The following SYPL2 variants were observed in gnomAD, a reference collection of about 807,000 sequenced individuals.
SYPL2 encodes synaptophysin like 2.
In SYPL2, 24 loss-of-function variants were observed where a neutral mutation model predicts 31.3. The ratio of observed to expected loss-of-function variants is 0.77; its 90% CI spans 0.56 to 1.08. The LOEUF is 1.08. SYPL2 is among the 50% of genes least tolerant of loss of function. The probability of loss-of-function intolerance (pLI) is 0.00; values close to 1 mark genes in which losing one functional copy is unlikely to be tolerated. For missense variants in SYPL2, 342 were observed against 360.1 expected, an observed-to-expected ratio of 0.95 and a Z score of 0.41; for synonymous variants, 144 against 143.1, an observed-to-expected ratio of 1.01 and a Z score of -0.05.
intron 3 of SYPL2, among the ~76,000 whole-genome samples, chr1:109,476,085 AG>A (rs983027236): frequency 6.6e-6 from 1 of 152,168 alleles, no homozygotes; most frequent in Non-Finnish European, 1.5e-5. Flanking sequence ...GAAGCTTATT[AG>A]TACTTACATC....
At chr1:109,469,141 C>T (rs1655746327) in intron 2 of SYPL2, among the ~76,000 whole-genome samples, 1 of 152,160 alleles carries the variant, frequency 6.6e-6, no homozygotes, top group African/African-American at 2.4e-5. Context: ...CAGGCATTAG[C>T]ACCAGAAATG....
At position 109,467,100 on chromosome 1, in the gene SYPL2, G is replaced by T; in HGVS notation, c.96G>T (p.Glu32Asp). The stretch of plus-strand genomic sequence containing the variant: ...TGGGGCTGCGCTGGCGGCGGCTGGA[G>T]GAGCCGCTGGGCTTCATCAAAGTTC... ...LLVGLRWRRL[E>D]EPLGFIKVLQ... Residue 32 changes from glutamate to aspartate, a missense_variant, in exon 2 of 6, where the codon GAG (glutamate) becomes GAT (aspartate). Physicochemically the swap from Glu to Asp is conservative, Grantham distance 45. Coordinates refer to ENST00000369872, the MANE Select transcript of SYPL2 (RefSeq NM_001040709.2). 1.9e-6 allele frequency: 3 copies of T among 1,544,960 alleles called. No homozygotes were observed. The highest frequency in any genetic ancestry group is 2.6e-6 in the Non-Finnish European group (3 of 1,145,980).
intron 3 of SYPL2, 143 bp from the exon 4 acceptor site, chr1:109,476,633 T>C (rs1453909463): frequency 2.5e-6 from 2 of 785,334 alleles, no homozygotes; most frequent in Non-Finnish European, 2.0e-6. Flanking sequence ...AACTGCAAGG[T>C]TCCTTCCAGA....
intron 2 of SYPL2, among the ~76,000 whole-genome samples, chr1:109,471,561 G>A (rs1307509601): frequency 1.4e-5 from 2 of 144,120 alleles, no homozygotes; most frequent in East Asian, 4.4e-4. Flanking sequence ...CTTGAAATGT[G>A]CCTAGCGTGA....
At position 109,475,271 on chromosome 1, in the gene SYPL2, G is replaced by A. The variant is rs1350981498; in HGVS notation, c.130-310G>A. On this transcript the variant is annotated intron_variant, in intron 2 of 5. Coordinates refer to ENST00000369872, the MANE Select transcript of SYPL2 (RefSeq NM_001040709.2). ...GAGGTTTTGTGTTAGTCATCTTAAGGAGGCTACCTGTGGTCCCCAAGTCAT... is the reference window on the plus strand; with the variant it reads ...GAGGTTTTGTGTTAGTCATCTTAAGAAGGCTACCTGTGGTCCCCAAGTCAT... 1.6e-4 allele frequency: 37 copies of A among 234,306 alleles called. No homozygotes were observed. The Admixed American group carries it at 1.9e-3, about 12-fold the overall frequency. The allele number at this position is 234,306 out of a possible 1,614,324, so 14.5% of individuals were successfully genotyped here.
chr1:109,473,527 C>T (rs1655896470), intron 2 of SYPL2, among the ~76,000 whole-genome samples: 1 of 152,162 alleles, frequency 6.6e-6, no homozygotes, highest in Non-Finnish European at 1.5e-5. Context: ...AGTACACTGA[C>T]AGTGTTACTC....
At position 109,478,144 on chromosome 1, in the gene SYPL2, C is replaced by T. The variant is rs1159181123; in HGVS notation, c.648+135C>T. On this transcript the variant is annotated intron_variant, in intron 5 of 5. Transcript: ENST00000369872. The surrounding 1 kb of genome is among the most constrained non-coding windows in gnomAD (Gnocchi z 4.0). The stretch of plus-strand genomic sequence containing the variant: ...GCACCTGGAGCTGGTGCCCTCACTG[C>T]GCTTCATGCTGGCTGCTGGCTCCTG... The T allele has an allele frequency of 3.0e-5, 44 of 1,445,658 alleles. No homozygotes were observed. The highest frequency in any genetic ancestry group is 5.8e-5 in the South Asian group (4 of 69,262). 89.6% of individuals were successfully genotyped at this position (1,445,658 alleles called of 1,614,324 possible).
In SYPL2 at chr1:109,475,582, T is replaced by C; in HGVS notation, c.131T>C (p.Leu44Pro). ...CAAAGAGGCTTCACTCTCTCTCAGC[T>C]CTTTGCTATTTTCGCCTTCGGGTCC... Reference protein sequence around the residue: ...PLGFIKVLQWLFAIFAFGSCG... With the variant: ...PLGFIKVLQWPFAIFAFGSCG... The change falls in exon 3 of 6, where the codon CTC becomes CCC. Residue 44 changes from leucine to proline, a missense_variant and splice_region_variant. Physicochemically the swap from Leu to Pro is moderately conservative, Grantham distance 98. Transcript: ENST00000369872. 6.2e-7 allele frequency: 1 copy of C among 1,614,022 alleles called. No homozygotes were observed. Among genetic ancestry groups the C allele is most frequent in the South Asian group, 1.1e-5 (1 of 91,078 alleles).
At chr1:109,477,558 G>A (rs1187608855) in intron 4 of SYPL2, among the ~76,000 whole-genome samples, 1 of 152,138 alleles carries the variant, frequency 6.6e-6, no homozygotes, top group Non-Finnish European at 1.5e-5. Flanking sequence ...GTTTTGGGGT[G>A]AGGCTGACCA....
chr1:109,471,922 C>G (rs186000320), intron 2 of SYPL2, among the ~76,000 whole-genome samples: 2 of 151,680 alleles, frequency 1.3e-5, no homozygotes, highest in East Asian at 3.9e-4. Context: ...CCAGGCTGGT[C>G]TTGAACTCCT....
intron 2 of SYPL2, among the ~76,000 whole-genome samples, chr1:109,469,462 C>T (rs778372339): frequency 6.6e-6 from 1 of 150,504 alleles, no homozygotes; most frequent in African/African-American, 2.4e-5. Flanking sequence ...CAAAAATAAC[C>T]TGGACATAGA....
rs148735932 is a variant in SYPL2 at position 109,466,567 on chromosome 1, G to A, written c.-277G>A. 969 of 385,704 alleles carry A rather than the reference G, an allele frequency of 2.5e-3. 4 individuals are homozygous for A. The highest frequency in any genetic ancestry group is 7.6e-3 in the Middle Eastern group (11 of 1,440). 23.9% of individuals were successfully genotyped at this position (385,704 alleles called of 1,614,324 possible). A position where few individuals can be genotyped will look rare whatever the true frequency, so the allele number is the denominator to read the frequency against. Reference sequence around the variant, plus strand: ...ACGTGACCCGGCGGCCAAGTTCGCTGCGAGTTTGACAGAAGTTTGAATCCG... The same window carrying A: ...ACGTGACCCGGCGGCCAAGTTCGCTACGAGTTTGACAGAAGTTTGAATCCG... On this transcript the variant is annotated 5_prime_UTR_variant, in exon 1 of 6. Transcript: ENST00000369872.
chr1:109,471,907 G>T (rs1207474084), intron 2 of SYPL2, among the ~76,000 whole-genome samples: 2 of 151,752 alleles, frequency 1.3e-5, no homozygotes, highest in Non-Finnish European at 2.9e-5. Context: ...GTCTTGCTAT[G>T]ATACCCAGGC....
At chr1:109,474,423 C>T (rs906488354) in intron 2 of SYPL2, among the ~76,000 whole-genome samples, 13 of 150,854 alleles carry the variant, frequency 8.6e-5, no homozygotes, top group Non-Finnish European at 7.4e-5. Flanking sequence ...CTGCAACCTC[C>T]GCCTCCCGGG....
At position 109,466,765 on chromosome 1, in the gene SYPL2, C is replaced by T; in HGVS notation, c.-79C>T. The T allele has an allele frequency of 7.1e-7, 1 of 1,415,140 alleles. No homozygotes were observed. Among genetic ancestry groups the T allele is most frequent in the South Asian group, 1.4e-5 (1 of 69,108 alleles). The allele number at this position is 1,415,140 out of a possible 1,614,324, so 87.7% of individuals were successfully genotyped here. ...CTGCTCTGCCCCGGACCTGCAGCTC[C>T]CCGCTCCCCCGCCGTGTCCGCCGCC... On this transcript the variant is annotated 5_prime_UTR_variant, in exon 1 of 6. Transcript: ENST00000369872.
At chr1:109,479,016 T>A (rs1656082605) in intron 5 of SYPL2, among the ~76,000 whole-genome samples, 1 of 152,246 alleles carries the variant, frequency 6.6e-6, no homozygotes, top group Admixed American at 6.5e-5. Flanking sequence ...CACACCTACC[T>A]GGCGGAAGGT....
chr1:109,477,698 G>A (rs1656043071), intron 4 of SYPL2, 120 bp from the exon 5 acceptor site: 2 of 1,418,690 alleles, frequency 1.4e-6, no homozygotes, highest in Admixed American at 2.6e-5. Flanking sequence ...GTGTTGGGTA[G>A]GATGGGAAGA....
At chr1:109,472,778 A>AT (rs1366198165) in intron 2 of SYPL2, among the ~76,000 whole-genome samples, 1 of 151,552 alleles carries the variant, frequency 6.6e-6, no homozygotes, top group African/African-American at 2.4e-5. Context: ...TGCCCAGCTA[A>AT]TTTTTTGTTT....
chr1:109,467,013 A>G, intron 1 of SYPL2, 46 bp from the exon 2 acceptor site: 3 of 1,507,750 alleles, frequency 2.0e-6, no homozygotes, highest in Non-Finnish European at 1.8e-6. Flanking sequence ...GCGCCTTCCC[A>G]GGGTTCCCCA....
Sources: allele counts gnomAD v4.1 joint callset (sites outside exome capture counted in the v4.1 genomes callset), GRCh38; gene constraint gnomAD v4.1.1; non-coding constraint Gnocchi (gnomAD v3.1); transcripts MANE v1.5; gene names NCBI Gene and HGNC (gene_info 2026-07-23, HGNC 2026-07-21).